Variants in STXBP5L observed in about 807,000 individuals in gnomAD.
STXBP5L encodes syntaxin binding protein 5L.
Under a neutral mutation model 144.5 loss-of-function variants are expected in STXBP5L, and 65 were observed. The observed-to-expected ratio is 0.45, with a 90% CI of 0.37 to 0.55. The LOEUF (loss-of-function observed/expected upper bound fraction) is 0.55. Among genes scored for constraint, STXBP5L ranks in the 20% least tolerant of loss-of-function variants. The pLI, the probability that STXBP5L is intolerant of heterozygous loss-of-function variation, is 0.00. For synonymous variants in STXBP5L, 505 were observed against 469.6 expected, an observed-to-expected ratio of 1.08 and a Z score of -0.97; for missense variants, 1,298 against 1,405.5, an observed-to-expected ratio of 0.92 and a Z score of 1.22.
chr3:121,361,541 ATTCT>A (rs1235410738), intron 20 of STXBP5L, among the ~76,000 whole-genome samples: 1 of 151,706 alleles, frequency 6.6e-6, no homozygotes, highest in African/African-American at 2.4e-5. Flanking sequence ...AGGCTCACTA[ATTCT>A]TTCTTCTGCT....
intron 5 of STXBP5L, chr3:121,099,336 GC>G (rs1468881987): frequency 2.0e-5 from 3 of 152,220 alleles, no homozygotes; most frequent in Admixed American, 6.5e-5. Flanking sequence ...AGAACTGCAA[GC>G]ACCTGGGCTC....
At chr3:121,203,555 A>G (rs2048220971) in intron 9 of STXBP5L, among the ~76,000 whole-genome samples, 1 of 152,228 alleles carries the variant, frequency 6.6e-6, no homozygotes. Flanking sequence ...GTTGTGATAC[A>G]CAACATGACA....
At chr3:121,252,432 T>A (rs1214641372) in intron 15 of STXBP5L, among the ~76,000 whole-genome samples, 3 of 152,012 alleles carry the variant, frequency 2.0e-5, no homozygotes, top group African/African-American at 7.2e-5. Flanking sequence ...CTTTAACACT[T>A]TAATTATTAG....
chr3:121,051,997 C>A (rs191365963), intron 5 of STXBP5L, among the ~76,000 whole-genome samples: 43 of 152,170 alleles, frequency 2.8e-4, no homozygotes, highest in Admixed American at 6.5e-4. Context: ...TGGATAAATT[C>A]CTGGACACAT....
intron 2 of STXBP5L, among the ~76,000 whole-genome samples, chr3:120,911,512 G>A (rs893101954): frequency 1.3e-5 from 2 of 152,054 alleles, no homozygotes; most frequent in African/African-American, 4.8e-5. Context: ...AAGTGTATCT[G>A]CTCTCCTTAA....
chr3:121,358,058 A>G (rs1396057126), intron 20 of STXBP5L: 1 of 152,206 alleles, frequency 6.6e-6, no homozygotes, highest in African/African-American at 2.4e-5. Context: ...ATGTGAAATA[A>G]CCATATAATG....
intron 18 of STXBP5L, among the ~76,000 whole-genome samples, chr3:121,266,330 A>G (rs1466494573): frequency 6.6e-6 from 1 of 152,240 alleles, no homozygotes. Context: ...CAACATGTGC[A>G]AATCAATAAA....
Position 121,424,659 on chromosome 3 carries a change from G to A in STXBP5L, c.*5562G>A. Reference sequence around the variant, plus strand: ...GAATTTTTGCATCTTTTCAGAAAATGACAAATTACTATTTTTCTGTTGCAC... The same window carrying A: ...GAATTTTTGCATCTTTTCAGAAAATAACAAATTACTATTTTTCTGTTGCAC... On this transcript the variant is annotated 3_prime_UTR_variant, in exon 27 of 27. Transcript: ENST00000471454. 1 of 152,118 alleles carries A rather than the reference G, an allele frequency of 6.6e-6. No homozygotes were observed. Among genetic ancestry groups the A allele is most frequent in the East Asian group, 1.9e-4 (1 of 5,200 alleles). The allele number at this position is 152,118 out of a possible 1,614,324, so 9.4% of individuals were successfully genotyped here. A position where few individuals can be genotyped will look rare whatever the true frequency, so the allele number is the denominator to read the frequency against.
chr3:121,225,645 T>C (rs145887024), intron 11 of STXBP5L, among the ~76,000 whole-genome samples: 122 of 152,116 alleles, frequency 8.0e-4, no homozygotes, highest in African/African-American at 2.5e-3. Flanking sequence ...CAAAGGAACA[T>C]TGAAAGCATG....
At chr3:120,938,667 A>G (rs1710394804) in intron 2 of STXBP5L, among the ~76,000 whole-genome samples, 1 of 152,182 alleles carries the variant, frequency 6.6e-6, no homozygotes, top group East Asian at 1.9e-4. Flanking sequence ...AAGTTCTTTC[A>G]TCTCGAGATG....
Position 121,057,480 on chromosome 3 carries a change from A to G in STXBP5L, c.470+11945A>G, listed in dbSNP as rs924158089. On this transcript the variant is annotated intron_variant, in intron 5 of 26. Coordinates refer to ENST00000471454, the MANE Select transcript of STXBP5L (RefSeq NM_001308330.2). Reference sequence around the variant, plus strand: ...TTACTAGATTCATAGAAACTCCCCTATGTTACCTTCCAGTCACTTACCCCC... The same window carrying G: ...TTACTAGATTCATAGAAACTCCCCTGTGTTACCTTCCAGTCACTTACCCCC... Among the ~76,000 whole-genome samples, 48 of 152,166 alleles carry G rather than the reference A, an allele frequency of 3.2e-4. 1 individual carries two copies. The highest frequency in any genetic ancestry group is 2.8e-3 in the Admixed American group (43 of 15,276).
At chr3:121,355,514 G>A (rs571287733) in intron 20 of STXBP5L, among the ~76,000 whole-genome samples, 10 of 152,100 alleles carry the variant, frequency 6.6e-5, no homozygotes, top group South Asian at 4.2e-4. Flanking sequence ...CGAATTTCTC[G>A]TGCCATGGTT....
At chr3:120,967,772 T>C (rs1305066713) in intron 3 of STXBP5L, among the ~76,000 whole-genome samples, 1 of 152,208 alleles carries the variant, frequency 6.6e-6, no homozygotes, top group Non-Finnish European at 1.5e-5. Flanking sequence ...CTGCTTTTGC[T>C]GTATTTCATA....
intron 19 of STXBP5L, among the ~76,000 whole-genome samples, chr3:121,316,372 G>A (rs1253706097): frequency 6.6e-6 from 1 of 152,178 alleles, no homozygotes; most frequent in Non-Finnish European, 1.5e-5. Flanking sequence ...GTATTTTCCA[G>A]ACAAATGAGC....
intron 19 of STXBP5L, among the ~76,000 whole-genome samples, chr3:121,308,343 C>T (rs762691389): frequency 1.3e-5 from 2 of 152,120 alleles, no homozygotes; most frequent in Non-Finnish European, 2.9e-5. Context: ...GTCAGGTAAA[C>T]AAAAACTGAG....
At chr3:121,065,736 A>G (rs1439611200) in intron 5 of STXBP5L, among the ~76,000 whole-genome samples, 1 of 152,152 alleles carries the variant, frequency 6.6e-6, no homozygotes, top group Non-Finnish European at 1.5e-5. Context: ...ATTAAAAAAT[A>G]TATATTATTA....
intron 5 of STXBP5L, among the ~76,000 whole-genome samples, chr3:121,070,245 A>G (rs1261619745): frequency 6.6e-6 from 1 of 152,238 alleles, no homozygotes; most frequent in Non-Finnish European, 1.5e-5. Context: ...AAACAAAGGC[A>G]GCATTACGAC....
chr3:120,989,276 G>T (rs1441068973), intron 3 of STXBP5L, among the ~76,000 whole-genome samples: 2 of 152,064 alleles, frequency 1.3e-5, no homozygotes, highest in Non-Finnish European at 2.9e-5. Context: ...TCCCTTTTCT[G>T]TGCATCCTCA....
intron 7 of STXBP5L, among the ~76,000 whole-genome samples, chr3:121,151,023 G>A (rs964408993): frequency 1.3e-5 from 2 of 151,918 alleles, no homozygotes; most frequent in Non-Finnish European, 2.9e-5. Context: ...GGAGGCGGAG[G>A]TTGCAGTGAG....
Sources: gnomAD v4.1 joint callset for allele counts (sites outside exome capture counted in the v4.1 genomes callset) on GRCh38, gnomAD v4.1.1 for gene constraint, MANE v1.5 for transcripts, NCBI Gene and HGNC (gene_info 2026-07-23, HGNC 2026-07-21) for gene names.